Variants in CFAP20DC observed in about 807,000 individuals in gnomAD.
The protein encoded by CFAP20DC is CFAP20 domain containing.
CFAP20DC carries 84 observed loss-of-function variants against 101.7 expected under a neutral mutation model. The ratio of observed to expected loss-of-function variants is 0.83; its 90% CI spans 0.69 to 0.99. The LOEUF (loss-of-function observed/expected upper bound fraction) is 0.99. Ranked by LOEUF, CFAP20DC falls within the 50% of genes least tolerant of loss-of-function variation. CFAP20DC has a pLI of 0.00. For synonymous variants in CFAP20DC, 359 were observed against 351.2 expected (o/e 1.02, Z -0.25); for missense variants, 1,007 against 970.3 (o/e 1.04, Z -0.50).
intron 11 of CFAP20DC, among the ~76,000 whole-genome samples, chr3:58,865,275 G>A (rs945226026): frequency 6.6e-6 from 1 of 152,062 alleles, no homozygotes; most frequent in African/African-American, 2.4e-5. Flanking sequence ...AAAAGCAAAA[G>A]CAAAAGAACC....
chr3:58,979,966 G>T (rs1005270321), intron 4 of CFAP20DC, among the ~76,000 whole-genome samples: 1 of 152,062 alleles, frequency 6.6e-6, no homozygotes, highest in Non-Finnish European at 1.5e-5. Flanking sequence ...GGAGTGCTCT[G>T]TTAAGAAGGA....
At chr3:58,865,911 T>G (rs1396672636) in intron 11 of CFAP20DC, among the ~76,000 whole-genome samples, 3 of 152,224 alleles carry the variant, frequency 2.0e-5, no homozygotes, top group African/African-American at 7.2e-5. Context: ...ACCTCAAGTA[T>G]TTCCATATCA....
intron 4 of CFAP20DC, among the ~76,000 whole-genome samples, chr3:58,997,532 A>G (rs2093174007): frequency 6.6e-6 from 1 of 152,264 alleles, no homozygotes; most frequent in Non-Finnish European, 1.5e-5. Context: ...TCTCTCTAGA[A>G]GCCTCTAATG....
intron 6 of CFAP20DC, among the ~76,000 whole-genome samples, chr3:58,890,619 C>A (rs926256754): frequency 2.0e-5 from 3 of 151,520 alleles, no homozygotes; most frequent in Non-Finnish European, 4.4e-5. Flanking sequence ...AGACGCTCCT[C>A]ACTTCCCAGA....
At chr3:58,941,190 G>A (rs543916514) in intron 4 of CFAP20DC, among the ~76,000 whole-genome samples, 1 of 151,638 alleles carries the variant, frequency 6.6e-6, no homozygotes, top group South Asian at 2.1e-4. Flanking sequence ...TTAGCTGGGT[G>A]TAGTGGCACA....
chr3:58,720,698 T>G (rs1189075061), intron 3 of CFAP20DC, among the ~76,000 whole-genome samples: 2 of 152,350 alleles, frequency 1.3e-5, no homozygotes, highest in African/African-American at 4.8e-5. Context: ...TCACTATAAA[T>G]GTGCCTTTCC....
intron 5 of CFAP20DC, among the ~76,000 whole-genome samples, chr3:58,936,468 T>C (rs992905246): frequency 6.6e-6 from 1 of 152,162 alleles, no homozygotes; most frequent in African/African-American, 2.4e-5. Flanking sequence ...TAAAGACACA[T>C]GCACACGTAT....
chr3:58,996,671 T>C (rs1220276005), intron 4 of CFAP20DC, among the ~76,000 whole-genome samples: 1 of 152,196 alleles, frequency 6.6e-6, no homozygotes, highest in East Asian at 1.9e-4. Flanking sequence ...AAAAAGAAGC[T>C]AGAGCTGGAA....
intron 16 of CFAP20DC, among the ~76,000 whole-genome samples, chr3:58,749,203 G>A (rs922593214): frequency 5.3e-5 from 8 of 152,138 alleles, no homozygotes; most frequent in Non-Finnish European, 1.0e-4. Flanking sequence ...GGCATTTACT[G>A]TGTCCTAGAA....
At position 58,814,821 on chromosome 3, in the gene CFAP20DC, A is replaced by G. The variant is rs775022353; in HGVS notation, c.2176-8365T>C. On this transcript the variant is annotated intron_variant, in intron 14 of 16. Transcript: ENST00000482387. ...ACAAGGGATGTGAAGGACCTCTTCAAGGAGAACTACAAACCACTGCTCAAG... is the reference window on the plus strand; with the variant it reads ...ACAAGGGATGTGAAGGACCTCTTCAGGGAGAACTACAAACCACTGCTCAAG... Among the ~76,000 whole-genome samples the G allele has an allele frequency of 6.3e-3, 958 of 151,028 alleles. 8 individuals are homozygous for G. Among genetic ancestry groups the G allele is most frequent in the Non-Finnish European group, 9.9e-3 (671 of 67,894 alleles).
chr3:58,825,374 A>G (rs762989373), intron 14 of CFAP20DC, among the ~76,000 whole-genome samples: 7 of 152,176 alleles, frequency 4.6e-5, no homozygotes, highest in South Asian at 2.1e-4. Flanking sequence ...CATAATGCCA[A>G]TATTAGGAAG....
chr3:58,791,742 A>G (rs944597706), intron 15 of CFAP20DC, among the ~76,000 whole-genome samples: 3 of 152,160 alleles, frequency 2.0e-5, no homozygotes, highest in Admixed American at 1.3e-4. Flanking sequence ...AGATCATTAT[A>G]GGGACTCTGT....
At chr3:58,883,403 G>C (rs887688885) in intron 7 of CFAP20DC, among the ~76,000 whole-genome samples, 1 of 152,034 alleles carries the variant, frequency 6.6e-6, no homozygotes, top group African/African-American at 2.4e-5. Context: ...CTCTACCTTA[G>C]GATACTGAAG....
intron 12 of CFAP20DC, among the ~76,000 whole-genome samples, chr3:58,857,844 T>C (rs942291048): frequency 1.3e-5 from 2 of 152,188 alleles, no homozygotes; most frequent in African/African-American, 4.8e-5. Context: ...TTCCTCTCTT[T>C]GCATTGTTAT....
intron 5 of CFAP20DC, among the ~76,000 whole-genome samples, chr3:58,935,738 G>A (rs1341846544): frequency 6.6e-6 from 1 of 152,146 alleles, no homozygotes; most frequent in African/African-American, 2.4e-5. Context: ...AGCTGAAACT[G>A]GATCCCTTCC....
chr3:58,789,317 A>C (rs1011061906), intron 15 of CFAP20DC, among the ~76,000 whole-genome samples: 2 of 151,906 alleles, frequency 1.3e-5, no homozygotes, highest in Non-Finnish European at 2.9e-5. Flanking sequence ...ATGGGACTTA[A>C]TGGTGCAGAA....
chr3:58,809,465 C>T (rs1187277845), intron 14 of CFAP20DC, among the ~76,000 whole-genome samples: 2 of 151,926 alleles, frequency 1.3e-5, no homozygotes, highest in African/African-American at 4.8e-5. Flanking sequence ...GGGTACATAA[C>T]GAAATGAAGG....
chr3:58,845,307 G>A (rs1379802240), intron 13 of CFAP20DC, among the ~76,000 whole-genome samples: 1 of 151,906 alleles, frequency 6.6e-6, no homozygotes, highest in African/African-American at 2.4e-5. Flanking sequence ...TCAAATAGAT[G>A]CAATAAAAAA....
At chr3:58,890,797 G>T (rs1335267539) in intron 6 of CFAP20DC, among the ~76,000 whole-genome samples, 2 of 146,560 alleles carry the variant, frequency 1.4e-5, no homozygotes, top group African/African-American at 5.1e-5. Context: ...GGGCGGCGGG[G>T]CAGAGGCGCT....
Sources: allele counts gnomAD v4.1 joint callset (sites outside exome capture counted in the v4.1 genomes callset), GRCh38; gene constraint gnomAD v4.1.1; transcripts MANE v1.5; gene names NCBI Gene and HGNC (gene_info 2026-07-23, HGNC 2026-07-21).